Variants in CEP250 observed in about 807,000 individuals in gnomAD.
CEP250 encodes centrosome-associated protein CEP250.
A neutral mutation model predicts 315.7 loss-of-function variants in CEP250; 242 were observed. That is an observed-to-expected ratio of 0.77 (90% CI 0.69 to 0.85). The LOEUF is 0.85. Ranked by LOEUF, CEP250 falls within the 40% of genes least tolerant of loss-of-function variation. The probability of loss-of-function intolerance (pLI) is 0.00; values close to 1 mark genes in which losing one functional copy is unlikely to be tolerated. For synonymous variants in CEP250, 1,088 were observed against 1,175.0 expected, an observed-to-expected ratio of 0.93 and a Z score of 1.51; for missense variants, 2,515 against 2,886.4, an observed-to-expected ratio of 0.87 and a Z score of 2.95.
intron 20 of CEP250, among the ~76,000 whole-genome samples, chr20:35,480,870 G>A (rs13433229): frequency 0.18 from 27,849 of 151,990 alleles, 2,670 homozygotes; most frequent in South Asian, 0.31. Context: ...ACAGCTGTGA[G>A]CCACTGTGCC....
In CEP250 at chr20:35,476,641, C is replaced by G. The variant is rs771330424; in HGVS notation, c.1863+46C>G. On this transcript the variant is annotated intron_variant, in intron 16 of 34. Coordinates refer to ENST00000397527, the MANE Select transcript of CEP250 (RefSeq NM_007186.6). ...TCCCCACAGAAGGGCTGGGCCCTAACTGAGAGCAAGACGGATCAGCTCCCA... is the reference window on the plus strand; with the variant it reads ...TCCCCACAGAAGGGCTGGGCCCTAAGTGAGAGCAAGACGGATCAGCTCCCA... 1.9e-6 allele frequency: 3 copies of G among 1,573,334 alleles called. No homozygotes were observed. In the East Asian group the frequency reaches 6.8e-5, roughly 35 times the overall value.
chr20:35,478,078 G>A lies in CEP250; in HGVS notation c.2071G>A (p.Glu691Lys). 6.2e-7 allele frequency: 1 copy of A among 1,613,750 alleles called. No homozygotes were observed. The highest frequency in any genetic ancestry group is 8.5e-7 in the Non-Finnish European group (1 of 1,179,848). Residue 691 changes from glutamate (E) to lysine (K), a missense_variant, in exon 17 of 35, where the codon GAA becomes AAA. Glu to Lys is a moderately conservative substitution (Grantham distance 56). Coordinates refer to ENST00000397527, the MANE Select transcript of CEP250 (RefSeq NM_007186.6). Reference protein sequence around the residue: ...DLRDIQEEKEEIQKKLSESRH... With the variant: ...DLRDIQEEKEKIQKKLSESRH... ...CAGGGACATCCAAGAAGAGAAGGAA[G>A]AAATTCAAAAGAAACTAAGTGAGGT...
At chr20:35,475,031 A>G (rs1601165845) in intron 14 of CEP250, among the ~76,000 whole-genome samples, 1 of 152,082 alleles carries the variant, frequency 6.6e-6, no homozygotes, top group Non-Finnish European at 1.5e-5. Context: ...AGGGCAGACA[A>G]CCCCTAACAA....
In CEP250 at chr20:35,509,045, G is replaced by T. The variant is rs2064279803; in HGVS notation, c.7008+1G>T. ...CACGGCTTCTTCACCCACACAGCAG[G>T]TTTACTCATTTTCCTCAGCTGCAGC... On this transcript the variant is annotated splice_donor_variant, in intron 33 of 34. Transcript: ENST00000397527. LOFTEE classifies it high-confidence loss of function. 6.4e-7 allele frequency: 1 copy of T among 1,553,800 alleles called. No homozygotes were observed. Among genetic ancestry groups the T allele is most frequent in the East Asian group, 2.4e-5 (1 of 41,332 alleles).
Position 35,472,792 on chromosome 20 carries a change from G to A in CEP250, c.1170G>A (p.Leu390=). The A allele has an allele frequency of 6.2e-7, 1 of 1,614,170 alleles. No individual in the cohort carries two copies. The highest frequency in any genetic ancestry group is 8.5e-7 in the Non-Finnish European group (1 of 1,180,028). The change falls in exon 12 of 35, where the codon CTG becomes CTA. Residue 390 remains leucine, a synonymous_variant. Coordinates refer to ENST00000397527, the MANE Select transcript of CEP250 (RefSeq NM_007186.6). ...AGGATGCAGACAAGGCTCTTACTCT[G>A]GTGCGTTCAGTGCTGACTCGGAGAC... ...DYQDADKALT[L]VRSVLTRRRQ... is the part of the protein sequence containing the mutation.
intron 4 of CEP250, 27 bp from the exon 5 acceptor site, chr20:35,463,548 G>GGA (rs746473429): frequency 5.0e-6 from 8 of 1,593,116 alleles, no homozygotes; most frequent in Non-Finnish European, 6.8e-6. Context: ...TGTGTTCATT[G>GGA]CCCAGGGCCT....
At position 35,518,108 on chromosome 20, in the gene CEP250, A is replaced by G. The variant is rs1283048141; in HGVS notation, c.*6482A>G. 3 of 148,136 alleles carry G rather than the reference A, an allele frequency of 2.0e-5. No homozygotes were observed. The highest frequency in any genetic ancestry group is 6.8e-5 in the Admixed American group (1 of 14,682). 9.2% of individuals were successfully genotyped at this position (148,136 alleles called of 1,614,324 possible). On this transcript the variant is annotated 3_prime_UTR_variant, in exon 35 of 35. Coordinates refer to ENST00000397527, the MANE Select transcript of CEP250 (RefSeq NM_007186.6). ...AGCAGTTTCCCACCTCATTCTTCTC[A>G]AACTCCTCTTCAGAGGCAGCGGGTT... is the stretch of plus-strand genomic sequence containing the variant.
At chr20:35,505,201 T>C (rs1487292853) in intron 30 of CEP250, among the ~76,000 whole-genome samples, 196 bp downstream of exon 30, 2 of 152,204 alleles carry the variant, frequency 1.3e-5, no homozygotes, top group Non-Finnish European at 2.9e-5. Context: ...CCACAGTCCC[T>C]GCCCTCACAG....
At chr20:35,485,852 G>C (rs1056632477) in intron 20 of CEP250, among the ~76,000 whole-genome samples, 23 of 147,184 alleles carry the variant, frequency 1.6e-4, no homozygotes. Context: ...TATAGAGATG[G>C]GGTTTCGTCA....
In CEP250 at chr20:35,497,929, G is replaced by T; in HGVS notation, c.3517G>T (p.Gly1173Trp). Residue 1173 changes from glycine to tryptophan, a missense_variant, in exon 26 of 35, where the codon GGG (glycine) becomes TGG (tryptophan). Gly to Trp is a radical substitution (Grantham distance 184). Transcript: ENST00000397527. ...LEALAAEQQP[G>W]NQAQAQAQLA... Reference sequence around the variant, plus strand: ...AGCGCTGGCCGCAGAGCAGCAGCCCGGGAACCAGGCCCAGGCCCAGGCCCA... The same window carrying T: ...AGCGCTGGCCGCAGAGCAGCAGCCCTGGAACCAGGCCCAGGCCCAGGCCCA... 6.2e-7 allele frequency: 1 copy of T among 1,611,370 alleles called. No homozygotes were observed. Among genetic ancestry groups the T allele is most frequent in the Non-Finnish European group, 8.5e-7 (1 of 1,178,950 alleles).
chr20:35,505,880 G>A (rs1568842638), intron 30 of CEP250, among the ~76,000 whole-genome samples: 1 of 152,266 alleles, frequency 6.6e-6, no homozygotes, highest in East Asian at 1.9e-4. Context: ...CTGGGTGGTG[G>A]GAAGCAGATG....
At chr20:35,502,107 T>C in intron 29 of CEP250, 141 bp downstream of exon 29, 1 of 1,050,500 alleles carries the variant, frequency 9.5e-7, no homozygotes, top group South Asian at 1.6e-5. Flanking sequence ...GGGGCCATTA[T>C]TCAGGTTCCA....
chr20:35,476,661 C>T, intron 16 of CEP250, 66 bp downstream of exon 16: 1 of 1,398,296 alleles, frequency 7.2e-7, no homozygotes, highest in East Asian at 2.3e-5. Context: ...GACGGATCAG[C>T]TCCCAAATGT....
chr20:35,466,995 C>T lies in CEP250; in HGVS notation c.522C>T (p.His174=), dbSNP rs770748663. The T allele has an allele frequency of 6.2e-5, 100 of 1,613,568 alleles. No individual in the cohort carries two copies. Among genetic ancestry groups the T allele is most frequent in the Non-Finnish European group, 7.2e-5 (85 of 1,179,618 alleles). ...EFFKGYLKGE[H]GRLLSLWREV... The stretch of plus-strand genomic sequence containing the variant: ...TCAAGGGCTACCTGAAAGGGGAGCA[C>T]GGTCGCCTTCTCAGTCTATGGCGGG... The change falls in exon 8 of 35, where the codon CAC becomes CAT. Residue 174 remains histidine, a synonymous_variant. Transcript: ENST00000397527.
In CEP250 at chr20:35,473,391, T is replaced by G; in HGVS notation, c.1227T>G (p.Leu409=). The G allele has an allele frequency of 6.2e-7, 1 of 1,613,646 alleles. No individual in the cohort carries two copies. The highest frequency in any genetic ancestry group is 8.5e-7 in the Non-Finnish European group (1 of 1,179,702). The part of the protein sequence containing the change: ...RQAVQDLRQQ[L]AGCQEAVNLL... ...CTCCACAGGACCTAAGGCAGCAGCT[T>G]GCAGGCTGTCAAGAGGCTGTGAACT... Residue 409 remains leucine, a synonymous_variant, in exon 13 of 35, where the codon CTT becomes CTG. Coordinates refer to ENST00000397527, the MANE Select transcript of CEP250 (RefSeq NM_007186.6).
rs189415128 is a variant in CEP250 at position 35,486,101 on chromosome 20, G to A, written c.2587-4536G>A. On this transcript the variant is annotated intron_variant, in intron 20 of 34. Coordinates refer to ENST00000397527, the MANE Select transcript of CEP250 (RefSeq NM_007186.6). ...CAGGCAGTGGTGCTGTTTCAGCTCCGCCTCCTGGGTTCAAGCAATTCTCGT... is the reference window on the plus strand; with the variant it reads ...CAGGCAGTGGTGCTGTTTCAGCTCCACCTCCTGGGTTCAAGCAATTCTCGT... Among the ~76,000 whole-genome samples the A allele has an allele frequency of 4.6e-3, 664 of 143,918 alleles. 4 individuals are homozygous for A. Among genetic ancestry groups the A allele is most frequent in the Admixed American group, 8.1e-3 (113 of 13,918 alleles). The allele number at this position is 143,918 out of a possible 152,430, so 94.4% of individuals were successfully genotyped here. A position where few individuals can be genotyped will look rare whatever the true frequency, so the allele number is the denominator to read the frequency against.
chr20:35,500,003 G>C, intron 27 of CEP250, 46 bp from the exon 28 acceptor site: 1 of 1,612,270 alleles, frequency 6.2e-7, no homozygotes, highest in Non-Finnish European at 8.5e-7. Context: ...GCATTGTTTT[G>C]TGGAAGATGA....
At chr20:35,483,179 G>T (rs146904482) in intron 20 of CEP250, among the ~76,000 whole-genome samples, 1 of 151,924 alleles carries the variant, frequency 6.6e-6, no homozygotes, top group African/African-American at 2.4e-5. Context: ...AATTAGCCGA[G>T]TGTGGTAGCA....
rs2062610340 is a variant in CEP250, at chr20:35,455,936, C to T, written c.-298+185C>T. Among the ~76,000 whole-genome samples, 3 of 152,222 alleles carry T rather than the reference C, an allele frequency of 2.0e-5. No individual in the cohort carries two copies. In the South Asian group the frequency reaches 6.2e-4, roughly 32 times the overall value. ...TAGAGACGGAGTTTCGCGCTTGTTGCCCAGGCTGGAGTGCAATGGCGCGAT... is the reference window on the plus strand; with the variant it reads ...TAGAGACGGAGTTTCGCGCTTGTTGTCCAGGCTGGAGTGCAATGGCGCGAT... On this transcript the variant is annotated intron_variant, in intron 1 of 34. Coordinates refer to ENST00000397527, the MANE Select transcript of CEP250 (RefSeq NM_007186.6).
Sources: allele counts gnomAD v4.1 joint callset (sites outside exome capture counted in the v4.1 genomes callset), GRCh38; gene constraint gnomAD v4.1.1; transcripts MANE v1.5; gene names NCBI Gene and HGNC (gene_info 2026-07-23, HGNC 2026-07-21).